ROR2: variants seen among roughly 807,000 people sequenced by gnomAD.
ROR2 encodes the protein ROR family WNT receptor 2, also known as tyrosine-protein kinase transmembrane receptor ROR2.
ROR2 carries 33 observed loss-of-function variants against 74.9 expected under a neutral mutation model. The ratio of observed to expected loss-of-function variants is 0.44; its 90% CI spans 0.33 to 0.59. ROR2 has a LOEUF of 0.59. Ranked by LOEUF, ROR2 falls within the 20% of genes least tolerant of loss-of-function variation. ROR2 has a pLI of 0.02. For missense variants in ROR2, 1,216 were observed against 1,313.8 expected (o/e 0.93, Z 1.15); for synonymous variants, 586 against 558.7 (o/e 1.05, Z -0.69).
chr9:91,801,803 G>C (rs1204748597), intron 1 of ROR2, among the ~76,000 whole-genome samples: 1 of 152,234 alleles, frequency 6.6e-6, no homozygotes, highest in African/African-American at 2.4e-5. Context: ...TTTGACCTCT[G>C]AAAAGGGTTC....
intron 1 of ROR2, among the ~76,000 whole-genome samples, chr9:91,822,048 C>T (rs977301831): frequency 5.3e-5 from 8 of 152,084 alleles, no homozygotes; most frequent in Non-Finnish European, 1.0e-4. Flanking sequence ...GAAAAAAAGG[C>T]GCTTCAAAAC....
intron 1 of ROR2, among the ~76,000 whole-genome samples, chr9:91,818,143 A>G (rs1828007103): frequency 6.6e-6 from 1 of 152,182 alleles, no homozygotes; most frequent in Non-Finnish European, 1.5e-5. Flanking sequence ...AACAGCCTCA[A>G]AGTTTGACTT....
chr9:91,825,206 C>T (rs759264395), intron 1 of ROR2, among the ~76,000 whole-genome samples: 39 of 152,206 alleles, frequency 2.6e-4, no homozygotes, highest in Non-Finnish European at 5.0e-4. Context: ...CTTCGGTAAT[C>T]AGGGAAGGCT....
At position 91,757,396 on chromosome 9, in the gene ROR2, C is replaced by T; in HGVS notation, c.339G>A (p.Lys113=). ...VQEPRRIIIR[K]TEYGSRLRIQ... Reference sequence around the variant, plus strand: ...TTCGCAGTCGTGAACCATATTCTGTCTTCCGGATGATGATCCGCCGCGGCT... The same window carrying T: ...TTCGCAGTCGTGAACCATATTCTGTTTTCCGGATGATGATCCGCCGCGGCT... The change falls in exon 3 of 9, where the codon AAG becomes AAA. Residue 113 remains lysine, a synonymous_variant. Transcript: ENST00000375708. 2 of 1,613,932 alleles carry T rather than the reference C, an allele frequency of 1.2e-6. No homozygotes were observed. Among genetic ancestry groups the T allele is most frequent in the Non-Finnish European group, 1.7e-6 (2 of 1,180,014 alleles).
chr9:91,851,503 C>G (rs1056538365), intron 1 of ROR2, among the ~76,000 whole-genome samples: 1 of 152,114 alleles, frequency 6.6e-6, no homozygotes, highest in African/African-American at 2.4e-5. Flanking sequence ...AAGGTTCTCA[C>G]GATAATTTCA....
intron 1 of ROR2, among the ~76,000 whole-genome samples, chr9:91,911,009 G>A (rs1316227849): frequency 6.6e-6 from 1 of 152,146 alleles, no homozygotes; most frequent in African/African-American, 2.4e-5. Context: ...AAACAACTTA[G>A]AACAATAGAA....
chr9:91,819,337 G>A (rs959198862), intron 1 of ROR2, among the ~76,000 whole-genome samples: 5 of 152,180 alleles, frequency 3.3e-5, no homozygotes, highest in Admixed American at 2.6e-4. Context: ...GCCAACCTTC[G>A]GGGCTACAGG....
At position 91,854,342 on chromosome 9, in the gene ROR2, G is replaced by A. The variant is rs1456451002; in HGVS notation, c.98-78524C>T. ...AGCAGCCTGCAGGAGGTGGTGAGGC[G>A]TAGGATAGGGGCCAATGGCAACACT... is the stretch of plus-strand genomic sequence containing the variant. On this transcript the variant is annotated intron_variant, in intron 1 of 8. Coordinates refer to ENST00000375708, the MANE Select transcript of ROR2 (RefSeq NM_004560.4). 4.6e-5 allele frequency among the ~76,000 whole-genome samples: 7 copies of A among 152,330 alleles called. No homozygotes were observed. In the East Asian group the frequency reaches 1.2e-3, roughly 25 times the overall value.
At chr9:91,926,634 A>G (rs2077393677) in intron 1 of ROR2, among the ~76,000 whole-genome samples, 1 of 152,068 alleles carries the variant, frequency 6.6e-6, no homozygotes, top group Non-Finnish European at 1.5e-5. Flanking sequence ...TTAAACTCCA[A>G]TCACTGTAGC....
At chr9:91,815,429 T>TACAATACA (rs1257630391) in intron 1 of ROR2, among the ~76,000 whole-genome samples, 1 of 152,060 alleles carries the variant, frequency 6.6e-6, no homozygotes, top group Non-Finnish European at 1.5e-5. Flanking sequence ...TAAAGGCAAT[T>TACAATACA]ACAATACATG....
chr9:91,938,971 C>T (rs1051071503), intron 1 of ROR2, among the ~76,000 whole-genome samples: 5 of 152,166 alleles, frequency 3.3e-5, no homozygotes, highest in Non-Finnish European at 7.4e-5. Flanking sequence ...TAACAAGTGG[C>T]CAGGCGCAGT....
intron 1 of ROR2, among the ~76,000 whole-genome samples, chr9:91,886,313 G>A (rs925719759): frequency 4.6e-5 from 7 of 152,108 alleles, no homozygotes; most frequent in Non-Finnish European, 5.9e-5. Flanking sequence ...ACCCACCAGG[G>A]CCATCATTCT....
At position 91,786,354 on chromosome 9, in the gene ROR2, G is replaced by A. The variant is rs201496228; in HGVS notation, c.98-10536C>T. On this transcript the variant is annotated intron_variant, in intron 1 of 8. Transcript: ENST00000375708. ...AATCAATCAATCAATCAATCAATAA[G>A]TAAATAAATAAATAAATAAATAAAT... 4.7e-3 allele frequency among the ~76,000 whole-genome samples: 694 copies of A among 148,654 alleles called. 5 individuals are homozygous for A. The highest frequency in any genetic ancestry group is 0.013 in the African/African-American group (530 of 40,194).
intron 2 of ROR2, among the ~76,000 whole-genome samples, chr9:91,767,036 C>A (rs16907741): frequency 0.097 from 14,765 of 152,014 alleles, 1,022 homozygotes; most frequent in East Asian, 0.26. Context: ...GAGGAATCCC[C>A]TCACTGCTCT....
chr9:91,850,862 T>G (rs1382547755), intron 1 of ROR2, among the ~76,000 whole-genome samples: 2 of 152,202 alleles, frequency 1.3e-5, no homozygotes, highest in Non-Finnish European at 2.9e-5. Flanking sequence ...TCTTGTTGAC[T>G]TATTAAGAAC....
chr9:91,757,550 A>G lies in ROR2; in HGVS notation c.185T>C (p.Leu62Pro). 1 of 1,613,698 alleles carries G rather than the reference A, an allele frequency of 6.2e-7. No individual in the cohort carries two copies. The highest frequency in any genetic ancestry group is 1.3e-5 in the African/African-American group (1 of 74,930). ...ATTGTTTACTGGCTCCAGAAAATTC[A>G]GAAAGTAACCTGCCAAGGAGAGCGG... ...GPIPTLKGYFLNFLEPVNNIT... is the reference protein window; with the variant it reads ...GPIPTLKGYFPNFLEPVNNIT... The change falls in exon 3 of 9, where the codon CTG becomes CCG. Residue 62 changes from leucine to proline, a missense_variant. Leu to Pro is a moderately conservative substitution (Grantham distance 98). Transcript: ENST00000375708.
At chr9:91,930,104 C>T (rs1831512172) in intron 1 of ROR2, among the ~76,000 whole-genome samples, 1 of 152,098 alleles carries the variant, frequency 6.6e-6, no homozygotes, top group African/African-American at 2.4e-5. Flanking sequence ...ACCCAGCCAC[C>T]ATATTTTTTA....
At chr9:91,877,907 T>C (rs1158588621) in intron 1 of ROR2, among the ~76,000 whole-genome samples, 1 of 152,202 alleles carries the variant, frequency 6.6e-6, no homozygotes, top group Middle Eastern at 3.2e-3. Context: ...GGGTTATAAA[T>C]AACTCAAGGT....
chr9:91,747,320 C>CCA (rs535759679), intron 4 of ROR2, among the ~76,000 whole-genome samples: 14 of 152,308 alleles, frequency 9.2e-5, no homozygotes, highest in Non-Finnish European at 1.9e-4. Context: ...TCAAGGATAT[C>CCA]CACCTCCCTC....
Sources: allele counts gnomAD v4.1 joint callset (sites outside exome capture counted in the v4.1 genomes callset), GRCh38; gene constraint gnomAD v4.1.1; transcripts MANE v1.5; gene names NCBI Gene and HGNC (gene_info 2026-07-23, HGNC 2026-07-21).